BACE2: variants seen among roughly 807,000 people sequenced by gnomAD.
BACE2 encodes the protein beta-secretase 2.
BACE2 carries 17 observed loss-of-function variants against 46.2 expected under a neutral mutation model. The ratio of observed to expected loss-of-function variants is 0.37; its 90% CI spans 0.25 to 0.55. BACE2 has a LOEUF of 0.55. BACE2 is among the 20% of genes least tolerant of loss of function. BACE2 has a pLI of 0.82. For missense variants in BACE2, 595 were observed against 698.1 expected (o/e 0.85, Z 1.66); for synonymous variants, 277 against 295.9 (o/e 0.94, Z 0.66).
intron 1 of BACE2, chr21:41,181,152 C>G (rs1985106740): frequency 6.0e-6 from 1 of 167,064 alleles, no homozygotes; most frequent in Non-Finnish European, 1.5e-5. Context: ...TCATTCATGT[C>G]AGTTCCAAGT....
At chr21:41,202,200 A>G (rs1040774250) in intron 1 of BACE2, among the ~76,000 whole-genome samples, 5 of 152,202 alleles carry the variant, frequency 3.3e-5, no homozygotes, top group Admixed American at 3.3e-4. Context: ...GCGGAAACTG[A>G]CGGTTAGATG....
Position 41,275,412 on chromosome 21 carries a change from TCAAC to T in BACE2, c.1346_1349del (p.Ser449Ter). ...AGTGTCTGAAATTTCCGGGCCTTTC[TCAAC>T]AGAGGATGTAGCCAGCAACTGTGTC... On this transcript the variant is annotated frameshift_variant, in exon 9 of 9. Coordinates refer to ENST00000330333, the MANE Select transcript of BACE2 (RefSeq NM_012105.5). LOFTEE classifies it low-confidence loss of function (END_TRUNC). The T allele has an allele frequency of 6.2e-7, 1 of 1,614,204 alleles. No homozygotes were observed. The highest frequency in any genetic ancestry group is 8.5e-7 in the Non-Finnish European group (1 of 1,180,040).
At chr21:41,269,146 G>T (rs542049756) in intron 8 of BACE2, among the ~76,000 whole-genome samples, 1 of 151,982 alleles carries the variant, frequency 6.6e-6, no homozygotes, top group Non-Finnish European at 1.5e-5. Flanking sequence ...TAGAGATGGG[G>T]TTTCTCCATG....
chr21:41,199,302 G>A (rs890362820), intron 1 of BACE2, among the ~76,000 whole-genome samples: 8 of 151,862 alleles, frequency 5.3e-5, no homozygotes, highest in Admixed American at 1.3e-4. Context: ...CTCCACCTGC[G>A]CCTTCCTACC....
At chr21:41,204,076 G>T (rs2123533820) in intron 1 of BACE2, among the ~76,000 whole-genome samples, 1 of 152,310 alleles carries the variant, frequency 6.6e-6, no homozygotes, top group South Asian at 2.1e-4. Flanking sequence ...GAGTGCAGTG[G>T]TGCAGTCTTG....
chr21:41,170,341 T>A (rs1490762987), intron 1 of BACE2, among the ~76,000 whole-genome samples: 2 of 152,226 alleles, frequency 1.3e-5, no homozygotes, highest in African/African-American at 4.8e-5. Context: ...CTCCTGTCTT[T>A]ACCGTAGCCA....
chr21:41,241,633 C>G (rs1028394375), intron 3 of BACE2, 186 bp from the exon 4 acceptor site: 2 of 591,794 alleles, frequency 3.4e-6, no homozygotes, highest in African/African-American at 3.8e-5. Flanking sequence ...AGAATGCCAA[C>G]CAGTGGGAAG....
In BACE2 at chr21:41,245,932, C is replaced by T. The variant is rs200427136; in HGVS notation, c.883-30C>T. On this transcript the variant is annotated intron_variant, in intron 5 of 8. Transcript: ENST00000330333. ...GGGCGGGGAGCGCCACTGTCACTCA[C>T]GCACCTTTCCCTTTCTCTCCCGGTT... is the stretch of plus-strand genomic sequence containing the variant. 52 of 1,557,614 alleles carry T rather than the reference C, an allele frequency of 3.3e-5. No individual in the cohort carries two copies. The East Asian group carries it at 9.6e-4, about 29-fold the overall frequency.
chr21:41,225,359 T>C (rs1316083594), intron 1 of BACE2: 3 of 152,156 alleles, frequency 2.0e-5, no homozygotes, highest in Non-Finnish European at 4.4e-5. Context: ...GTCTTATTCA[T>C]AGTAGCCTCA....
intron 1 of BACE2, among the ~76,000 whole-genome samples, chr21:41,221,222 G>C (rs1986636025): frequency 1.3e-5 from 2 of 152,162 alleles, no homozygotes; most frequent in African/African-American, 4.8e-5. Flanking sequence ...AGAAAACACA[G>C]GGGTGTGACC....
intron 6 of BACE2, among the ~76,000 whole-genome samples, chr21:41,248,794 A>G (rs983602042): frequency 1.3e-5 from 2 of 152,220 alleles, no homozygotes; most frequent in Non-Finnish European, 2.9e-5. Context: ...GTGCGTGGAC[A>G]TCGGCAGATG....
rs2088555085 is a variant in BACE2 at position 41,282,230 on chromosome 21, T to A, written c.*6606T>A. On this transcript the variant is annotated 3_prime_UTR_variant, in exon 9 of 9. Coordinates refer to ENST00000330333, the MANE Select transcript of BACE2 (RefSeq NM_012105.5). ...ATACAAGTTTCTTAAGTGTAACTTG[T>A]ATTTCTGAAAATGCTTAAAATTATT... 1 of 152,246 alleles carries A rather than the reference T, an allele frequency of 6.6e-6. No homozygotes were observed. Among genetic ancestry groups the A allele is most frequent in the Non-Finnish European group, 1.5e-5 (1 of 68,042 alleles). 9.4% of individuals were successfully genotyped at this position (152,246 alleles called of 1,614,324 possible). A position where few individuals can be genotyped will look rare whatever the true frequency, so the allele number is the denominator to read the frequency against.
At chr21:41,209,081 G>T (rs1253936909) in intron 1 of BACE2, among the ~76,000 whole-genome samples, 3 of 152,216 alleles carry the variant, frequency 2.0e-5, no homozygotes, top group African/African-American at 7.2e-5. Flanking sequence ...ACCCTGGGTT[G>T]CAGCCCATGT....
chr21:41,195,553 C>T lies in BACE2; in HGVS notation c.312+26978C>T, dbSNP rs537481804. Among the ~76,000 whole-genome samples, 7 of 152,270 alleles carry T rather than the reference C, an allele frequency of 4.6e-5. No homozygotes were observed. The East Asian group carries it at 7.7e-4, about 17-fold the overall frequency. ...TCAGCCACACCCAGAGTGAACCAACCGTGCAGTCAAATACAAAACTTCCTG... is the reference window on the plus strand; with the variant it reads ...TCAGCCACACCCAGAGTGAACCAACTGTGCAGTCAAATACAAAACTTCCTG... On this transcript the variant is annotated intron_variant, in intron 1 of 8. Coordinates refer to ENST00000330333, the MANE Select transcript of BACE2 (RefSeq NM_012105.5).
rs2123661036 is a variant in BACE2, at chr21:41,278,004, TGTTA to T, written c.*2383_*2386del. ...AGAATCGGACTTCCAGTCAAAACCC[TGTTA>T]GTGACACCCACCTCCTCCAGTTATG... is the stretch of plus-strand genomic sequence containing the variant. On this transcript the variant is annotated 3_prime_UTR_variant, in exon 9 of 9. Transcript: ENST00000330333. The T allele has an allele frequency of 6.6e-6, 1 of 152,360 alleles. No individual in the cohort carries two copies. The highest frequency in any genetic ancestry group is 2.1e-4 in the South Asian group (1 of 4,830). 9.4% of individuals were successfully genotyped at this position (152,360 alleles called of 1,614,324 possible).
chr21:41,264,212 G>T (rs549426951), intron 8 of BACE2, among the ~76,000 whole-genome samples: 1 of 150,150 alleles, frequency 6.7e-6, no homozygotes. Flanking sequence ...TGGTTTGGGG[G>T]TCTTTTTTTT....
intron 2 of BACE2, among the ~76,000 whole-genome samples, chr21:41,231,960 G>T (rs1986977135): frequency 6.6e-6 from 1 of 151,572 alleles, no homozygotes; most frequent in Non-Finnish European, 1.5e-5. Flanking sequence ...CTTCTCTGGG[G>T]TTTTACTCAG....
rs373357301 is a variant in BACE2 at position 41,249,632 on chromosome 21, C to T, written c.985-1120C>T. Among the ~76,000 whole-genome samples the T allele has an allele frequency of 6.6e-5, 10 of 152,318 alleles. No individual in the cohort carries two copies. The East Asian group carries it at 1.4e-3, about 21-fold the overall frequency. On this transcript the variant is annotated intron_variant, in intron 6 of 8. Coordinates refer to ENST00000330333, the MANE Select transcript of BACE2 (RefSeq NM_012105.5). Reference sequence around the variant, plus strand: ...CACCCCCGACCACACACCTCCCCAGCGCCTGCTTGGCCCTCCAGCCCAGCT... The same window carrying T: ...CACCCCCGACCACACACCTCCCCAGTGCCTGCTTGGCCCTCCAGCCCAGCT...
intron 1 of BACE2, among the ~76,000 whole-genome samples, chr21:41,197,048 G>C (rs1052670668): frequency 6.6e-6 from 1 of 152,116 alleles, no homozygotes; most frequent in African/African-American, 2.4e-5. Context: ...CGCAGGTTCA[G>C]CCTCTCAGAC....
Sources: allele counts gnomAD v4.1 joint callset (sites outside exome capture counted in the v4.1 genomes callset), GRCh38; gene constraint gnomAD v4.1.1; transcripts MANE v1.5; gene names NCBI Gene and HGNC (gene_info 2026-07-23, HGNC 2026-07-21).